Variants in HMGN5 observed in about 807,000 individuals in gnomAD.
The protein encoded by HMGN5 is high mobility group nucleosome-binding domain-containing protein 5.
Under a neutral mutation model 9.5 loss-of-function variants are expected in HMGN5, and 4 were observed. The observed-to-expected ratio is 0.42, with a 90% confidence interval of 0.21 to 0.96. HMGN5 has a LOEUF of 0.96. HMGN5 is among the 40% of genes least tolerant of loss of function. The pLI is 0.30. For synonymous variants in HMGN5, 55 were observed against 57.1 expected, an observed-to-expected ratio of 0.96 and a Z score of 0.16; for missense variants, 192 against 187.5, an observed-to-expected ratio of 1.02 and a Z score of -0.14.
intron 1 of HMGN5, among the ~76,000 whole-genome samples, chrX:81,134,051 G>A (rs775297218): frequency 2.2e-4 from 24 of 111,044 alleles, no homozygotes; most frequent in South Asian, 7.4e-4. Flanking sequence ...ATAAATGAAC[G>A]AATTTATTAA....
intron 1 of HMGN5, among the ~76,000 whole-genome samples, chrX:81,146,008 C>T (rs1438395333): frequency 9.0e-6 from 1 of 111,124 alleles, no homozygotes; most frequent in African/African-American, 3.3e-5. Flanking sequence ...AGAGCAAGTT[C>T]TCAGAGACCT....
chrX:81,126,536 T>C (rs1251400601), intron 1 of HMGN5, among the ~76,000 whole-genome samples: 1 of 111,832 alleles, frequency 8.9e-6, no homozygotes, highest in Non-Finnish European at 1.9e-5. Flanking sequence ...ATCTTGAACG[T>C]CCAAATGCTT....
chrX:81,178,711 A>G (rs924471813), intron 1 of HMGN5, among the ~76,000 whole-genome samples: 3 of 111,907 alleles, frequency 2.7e-5, no homozygotes, highest in African/African-American at 9.8e-5. Flanking sequence ...TGAGGCCAAC[A>G]TCATCTTGAT....
At chrX:81,124,561 C>T (rs905967697) in intron 1 of HMGN5, among the ~76,000 whole-genome samples, 6 of 112,183 alleles carry the variant, frequency 5.3e-5, no homozygotes, top group African/African-American at 3.2e-5. Flanking sequence ...CATCAAACTT[C>T]TTCAAATTGG....
chrX:81,114,790 TTCTC>T lies in HMGN5; in HGVS notation c.704_707del (p.Arg235LysfsTer21). 1 of 1,163,139 alleles carries T rather than the reference TTCTC, an allele frequency of 8.6e-7. No individual in the cohort carries two copies. The highest frequency in any genetic ancestry group is 1.1e-6 in the Non-Finnish European group (1 of 871,386). On this transcript the variant is annotated frameshift_variant, in exon 7 of 7. Transcript: ENST00000358130. LOFTEE classifies it low-confidence loss of function (END_TRUNC). ...TTCCACCTTCATCTTCTTTTCCATC[TTCTC>T]TCTCTTTTTCATCTTCTTTGACTTT...
chrX:81,113,774 AGG>A lies in HMGN5; in HGVS notation c.*873_*874del. The A allele has an allele frequency of 8.8e-6, 1 of 113,830 alleles. No individual in the cohort carries two copies. 9.4% of individuals were successfully genotyped at this position (113,830 alleles called of 1,213,427 possible). The stretch of plus-strand genomic sequence containing the variant: ...ATAGAAGGCAGATTAGTGGTTGCCA[AGG>A]GATGGAGGTGGGGGATAAGTTGGGC... On this transcript the variant is annotated 3_prime_UTR_variant, in exon 7 of 7. Coordinates refer to ENST00000358130, the MANE Select transcript of HMGN5 (RefSeq NM_030763.3).
At chrX:81,131,814 T>A (rs1309683055) in intron 1 of HMGN5, among the ~76,000 whole-genome samples, 2 of 111,262 alleles carry the variant, frequency 1.8e-5, no homozygotes, top group Non-Finnish European at 3.8e-5. Context: ...AAGACAAAGA[T>A]GCCCCATCTC....
chrX:81,136,172 G>A (rs1244243783), intron 1 of HMGN5, among the ~76,000 whole-genome samples: 1 of 111,539 alleles, frequency 9.0e-6, no homozygotes, highest in Non-Finnish European at 1.9e-5. Context: ...ATAAACTAAG[G>A]CAGGGTGAAT....
intron 1 of HMGN5, among the ~76,000 whole-genome samples, chrX:81,138,927 T>G (rs1450391211): frequency 1.8e-5 from 2 of 111,902 alleles, no homozygotes; most frequent in Non-Finnish European, 3.8e-5. Context: ...TTAAAATATG[T>G]ACAAGTTCTA....
At chrX:81,153,237 C>A (rs1410215435) in intron 1 of HMGN5, among the ~76,000 whole-genome samples, 3 of 108,405 alleles carry the variant, frequency 2.8e-5, no homozygotes, top group Non-Finnish European at 5.7e-5. Context: ...CGAAATACTT[C>A]AAAACTGAGT....
chrX:81,135,643 A>G (rs1027939935), intron 1 of HMGN5, among the ~76,000 whole-genome samples: 2 of 111,257 alleles, frequency 1.8e-5, no homozygotes, highest in Non-Finnish European at 3.8e-5. Context: ...ATCAATAGAG[A>G]CAAAAAATAT....
At chrX:81,144,279 G>T (rs1273393920) in intron 1 of HMGN5, among the ~76,000 whole-genome samples, 1 of 111,504 alleles carries the variant, frequency 9.0e-6, no homozygotes, top group Non-Finnish European at 1.9e-5. Context: ...GTGGCCTCCA[G>T]GACGAAGCTT....
At chrX:81,138,310 A>C (rs2075317347) in intron 1 of HMGN5, among the ~76,000 whole-genome samples, 1 of 111,811 alleles carries the variant, frequency 8.9e-6, no homozygotes, top group African/African-American at 3.2e-5. Flanking sequence ...CAATTAAAGT[A>C]ATCCATCATT....
chrX:81,155,082 T>TATAC (rs1296675580), intron 1 of HMGN5, among the ~76,000 whole-genome samples: 1 of 93,243 alleles, frequency 1.1e-5, no homozygotes, highest in Non-Finnish European at 2.1e-5. Context: ...TCAGTATATA[T>TATAC]ATATATATAT....
At chrX:81,116,097 C>A in intron 6 of HMGN5, 107 bp downstream of exon 6, 1 of 522,377 alleles carries the variant, frequency 1.9e-6, no homozygotes, top group Non-Finnish European at 3.1e-6. Flanking sequence ...AACCACTGCT[C>A]ACTTAATTTT....
intron 1 of HMGN5, among the ~76,000 whole-genome samples, chrX:81,199,413 A>G (rs1463997956): frequency 1.8e-5 from 2 of 112,731 alleles, no homozygotes; most frequent in African/African-American, 6.5e-5. Context: ...AAGAGCCCAC[A>G]TGGCCAAGAC....
intron 1 of HMGN5, among the ~76,000 whole-genome samples, chrX:81,175,100 G>A (rs1047714038): frequency 7.1e-5 from 8 of 112,057 alleles, no homozygotes; most frequent in Non-Finnish European, 1.1e-4. Context: ...GAACATAAGA[G>A]TGGAAGTCTA....
rs1364330995 is a variant in HMGN5, at chrX:81,114,681, C to T, written c.817G>A (p.Gly273Arg). ...KEEDEIKEDD[G>R]KKEEPQSIV The stretch of plus-strand genomic sequence containing the variant: ...ATACTCTGTGGCTCCTCTTTTTTTC[C>T]ATCATCTTCTTTGATCTCATCTTCC... The change falls in exon 7 of 7, where the codon GGA (glycine) becomes AGA (arginine). Residue 273 changes from glycine (G) to arginine (R), a missense_variant. By Grantham distance (125) the Gly-to-Arg change is moderately radical. Transcript: ENST00000358130. 2 of 1,138,012 alleles carry T rather than the reference C, an allele frequency of 1.8e-6. No homozygotes were observed. The highest frequency in any genetic ancestry group is 3.2e-5 in the Admixed American group (1 of 31,395). The allele number at this position is 1,138,012 out of a possible 1,213,427, so 93.8% of individuals were successfully genotyped here. A position where few individuals can be genotyped will look rare whatever the true frequency, so the allele number is the denominator to read the frequency against.
chrX:81,189,502 G>A (rs1226839808), intron 1 of HMGN5, among the ~76,000 whole-genome samples: 2 of 111,875 alleles, frequency 1.8e-5, no homozygotes, highest in Non-Finnish European at 3.8e-5. Context: ...TTTCAGACTA[G>A]CTTATTTCAC....
Sources: gnomAD v4.1 joint callset for allele counts (sites outside exome capture counted in the v4.1 genomes callset) on GRCh38, gnomAD v4.1.1 for gene constraint, MANE v1.5 for transcripts, NCBI Gene and HGNC (gene_info 2026-07-23, HGNC 2026-07-21) for gene names.